The following BAIAP2L1 variants were observed in gnomAD, a reference collection of about 807,000 sequenced individuals.
BAIAP2L1 encodes BAR/IMD domain containing adaptor protein 2 like 1, also known as BAR/IMD domain-containing adapter protein 2-like 1.
A neutral mutation model predicts 66.3 loss-of-function variants in BAIAP2L1; 35 were observed. That is an observed-to-expected ratio of 0.53 (90% CI 0.40 to 0.70). The LOEUF is 0.70. Among genes scored for constraint, BAIAP2L1 ranks in the 30% least tolerant of loss-of-function variants. The probability of loss-of-function intolerance (pLI) is 0.00; values close to 1 mark genes in which losing one functional copy is unlikely to be tolerated. For synonymous variants in BAIAP2L1, 269 were observed against 248.7 expected (o/e 1.08, Z -0.77); for missense variants, 622 against 656.9 (o/e 0.95, Z 0.58).
chr7:98,325,727 A>T (rs1299321989), intron 3 of BAIAP2L1, among the ~76,000 whole-genome samples: 4 of 152,184 alleles, frequency 2.6e-5, no homozygotes, highest in Non-Finnish European at 1.5e-5. Flanking sequence ...TGGAAAAAGG[A>T]CTGAATTTTT....
chr7:98,308,210 CTCT>C (rs1227555876), intron 9 of BAIAP2L1: 1 of 538,512 alleles, frequency 1.9e-6, no homozygotes, highest in Non-Finnish European at 3.6e-6. Flanking sequence ...GCCAGGATGG[CTCT>C]TCTTAGAGAG....
intron 1 of BAIAP2L1, among the ~76,000 whole-genome samples, chr7:98,391,649 T>C (rs577107942): frequency 2.0e-5 from 3 of 149,816 alleles, no homozygotes; most frequent in South Asian, 2.1e-4. Flanking sequence ...GAGGTGGACG[T>C]TGTGAGCCGA....
intron 1 of BAIAP2L1, among the ~76,000 whole-genome samples, chr7:98,393,629 C>A (rs529099492): frequency 1.3e-5 from 2 of 151,706 alleles, no homozygotes; most frequent in Non-Finnish European, 2.9e-5. Flanking sequence ...TCCCGAGTAG[C>A]TGGGACTACA....
At chr7:98,325,694 C>CAAA (rs541148671) in intron 3 of BAIAP2L1, among the ~76,000 whole-genome samples, 8 of 146,296 alleles carry the variant, frequency 5.5e-5, no homozygotes, top group African/African-American at 2.0e-4. Context: ...TATATACATA[C>CAAA]AAAAAAAAAA....
chr7:98,293,543 CG>C lies in BAIAP2L1; in HGVS notation c.1513del (p.Arg505AlafsTer25). On this transcript the variant is annotated frameshift_variant, in exon 14 of 14. Transcript: ENST00000005260. LOFTEE classifies it high-confidence loss of function. ...VKLRPTVTND[R>X]SAPIIR Reference sequence around the variant, plus strand: ...CTCTCATCGAATGATGGGTGCCGAGCGATCATTCGTCACAGTCGGGCGGAGT... The same window carrying C: ...CTCTCATCGAATGATGGGTGCCGAGCATCATTCGTCACAGTCGGGCGGAGT... 6.2e-7 allele frequency: 1 copy of C among 1,613,666 alleles called. No individual in the cohort carries two copies. Among genetic ancestry groups the C allele is most frequent in the Admixed American group, 1.7e-5 (1 of 60,010 alleles).
intron 3 of BAIAP2L1, among the ~76,000 whole-genome samples, chr7:98,340,959 GTTTT>G (rs72057720): frequency 7.7e-6 from 1 of 129,568 alleles, no homozygotes; most frequent in African/African-American, 2.9e-5. Context: ...CAGCTAATTG[GTTTT>G]TTTTTTTTTT....
In BAIAP2L1 at chr7:98,330,549, C is replaced by T. The variant is rs374180822; in HGVS notation, c.215-10251G>A. On this transcript the variant is annotated intron_variant, in intron 3 of 13. Coordinates refer to ENST00000005260, the MANE Select transcript of BAIAP2L1 (RefSeq NM_018842.5). ...GCGCACGCCTGTAATCCCAGCTACTCGGGAGGCTGAGGCAAAAGAATCGCT... is the reference window on the plus strand; with the variant it reads ...GCGCACGCCTGTAATCCCAGCTACTTGGGAGGCTGAGGCAAAAGAATCGCT... 1.6e-3 allele frequency among the ~76,000 whole-genome samples: 241 copies of T among 152,138 alleles called. 1 individual carries two copies. The highest frequency in any genetic ancestry group is 4.1e-3 in the Admixed American group (62 of 15,270).
intron 5 of BAIAP2L1, among the ~76,000 whole-genome samples, chr7:98,317,731 C>T (rs1286233771): frequency 6.6e-6 from 1 of 150,730 alleles, no homozygotes; most frequent in Non-Finnish European, 1.5e-5. Flanking sequence ...ACACCATCTG[C>T]ATGTTGGCTG....
chr7:98,356,904 G>A (rs1802133153), intron 2 of BAIAP2L1, among the ~76,000 whole-genome samples: 1 of 141,068 alleles, frequency 7.1e-6, no homozygotes, highest in East Asian at 2.1e-4. Flanking sequence ...GCTAAGGTGG[G>A]AGAATTGCGT....
At chr7:98,368,491 C>T (rs544388197) in intron 1 of BAIAP2L1, among the ~76,000 whole-genome samples, 1 of 151,606 alleles carries the variant, frequency 6.6e-6, no homozygotes, top group South Asian at 2.1e-4. Flanking sequence ...AGAAGATCGA[C>T]ACCATTCTGG....
chr7:98,303,157 T>C (rs184434086), intron 12 of BAIAP2L1, among the ~76,000 whole-genome samples: 36 of 152,312 alleles, frequency 2.4e-4, no homozygotes, highest in African/African-American at 7.2e-4. Context: ...CAGTCTACAA[T>C]GAGGCAGGTC....
intron 1 of BAIAP2L1, among the ~76,000 whole-genome samples, chr7:98,378,769 G>A (rs1802689849): frequency 6.6e-6 from 1 of 151,994 alleles, no homozygotes; most frequent in African/African-American, 2.4e-5. Context: ...TCCAGCAGCT[G>A]GGACTATAGG....
At chr7:98,363,639 G>T (rs891919176) in intron 1 of BAIAP2L1, among the ~76,000 whole-genome samples, 1 of 152,096 alleles carries the variant, frequency 6.6e-6, no homozygotes, top group Non-Finnish European at 1.5e-5. Context: ...CAGACTTCAC[G>T]ACTCACAACA....
chr7:98,390,036 C>T (rs1802994519), intron 1 of BAIAP2L1, among the ~76,000 whole-genome samples: 1 of 151,350 alleles, frequency 6.6e-6, no homozygotes, highest in Non-Finnish European at 1.5e-5. Context: ...CTGCTTCAGC[C>T]TCCCGAGTAG....
In BAIAP2L1 at chr7:98,332,382, CAAAAAAAAAAA is replaced by C. The variant is rs55987839; in HGVS notation, c.215-12095_215-12085del. ...TGGGTGACAGAACAAGACTCCATCT[CAAAAAAAAAAA>C]AAAAAAAAAAAAAAAAAAAGACAAC... On this transcript the variant is annotated intron_variant, in intron 3 of 13. Coordinates refer to ENST00000005260, the MANE Select transcript of BAIAP2L1 (RefSeq NM_018842.5). Among the ~76,000 whole-genome samples the C allele has an allele frequency of 4.7e-4, 13 of 27,756 alleles. No homozygotes were observed. In the East Asian group the frequency reaches 0.01, roughly 22 times the overall value. The allele number at this position is 27,756 out of a possible 152,430, so 18.2% of individuals were successfully genotyped here. A position where few individuals can be genotyped will look rare whatever the true frequency, so the allele number is the denominator to read the frequency against.
intron 1 of BAIAP2L1, among the ~76,000 whole-genome samples, chr7:98,397,619 G>A (rs745532522): frequency 1.3e-5 from 2 of 152,088 alleles, no homozygotes; most frequent in African/African-American, 4.8e-5. Flanking sequence ...GAGCCACCGC[G>A]CCGGGCCCTA....
rs902982207 is a variant in BAIAP2L1 at position 98,306,700 on chromosome 7, G to A, written c.1164-184C>T. 67 of 893,564 alleles carry A rather than the reference G, an allele frequency of 7.5e-5. 1 individual carries two copies. In the South Asian group the frequency reaches 1.0e-3, roughly 14 times the overall value. 55.4% of individuals were successfully genotyped at this position (893,564 alleles called of 1,614,324 possible). Reference sequence around the variant, plus strand: ...GACTTTCACATACACTGAACAATGTGTATTGTTAACAATTTTTTTTTAATA... The same window carrying A: ...GACTTTCACATACACTGAACAATGTATATTGTTAACAATTTTTTTTTAATA... On this transcript the variant is annotated intron_variant, in intron 10 of 13. Transcript: ENST00000005260.
chr7:98,381,189 G>C (rs1802752217), intron 1 of BAIAP2L1, among the ~76,000 whole-genome samples: 1 of 152,176 alleles, frequency 6.6e-6, no homozygotes, highest in Non-Finnish European at 1.5e-5. Context: ...AGCTATGATT[G>C]GGTAGGGAGT....
At chr7:98,355,570 A>AAAC (rs1404113989) in intron 2 of BAIAP2L1, 2 of 163,628 alleles carry the variant, frequency 1.2e-5, no homozygotes, top group Admixed American at 5.8e-5. Flanking sequence ...AAAAAAAAAA[A>AAAC]ATACATAAAT....
Sources: allele counts gnomAD v4.1 joint callset (sites outside exome capture counted in the v4.1 genomes callset), GRCh38; gene constraint gnomAD v4.1.1; transcripts MANE v1.5; gene names NCBI Gene and HGNC (gene_info 2026-07-23, HGNC 2026-07-21).